Variants in GNB1 observed in about 807,000 individuals in gnomAD.
GNB1 encodes the protein G protein subunit beta 1.
Under a neutral mutation model 42.9 loss-of-function variants are expected in GNB1, and 2 were observed. The observed-to-expected ratio is 0.05, with a 90% CI of 0.02 to 0.15. The LOEUF (loss-of-function observed/expected upper bound fraction) is 0.15, where lower values mean the gene tolerates loss of function less well. Among genes scored for constraint, GNB1 ranks in the 10% least tolerant of loss-of-function variants. GNB1 has a pLI of 1.00. For missense variants in GNB1, 193 were observed against 462.2 expected (o/e 0.42, Z 5.34); for synonymous variants, 183 against 174.7 (o/e 1.05, Z -0.38).
At chr1:1,865,673 C>G (rs926198825) in intron 1 of GNB1, among the ~76,000 whole-genome samples, 2 of 152,200 alleles carry the variant, frequency 1.3e-5, no homozygotes, top group African/African-American at 4.8e-5. Flanking sequence ...AGAAACATGA[C>G]TACAAGGTCT....
chr1:1,799,752 C>CT (rs1177620878), intron 7 of GNB1, among the ~76,000 whole-genome samples: 1 of 152,240 alleles, frequency 6.6e-6, no homozygotes, highest in Non-Finnish European at 1.5e-5. Flanking sequence ...GGAGCTTTCT[C>CT]TGAGGAGGGG....
At chr1:1,788,043 A>T (rs1440030904) in intron 10 of GNB1, 1 of 152,498 alleles carries the variant, frequency 6.6e-6, no homozygotes, top group Admixed American at 6.6e-5. Flanking sequence ...AAAAAAAAAA[A>T]AAATCAAAAC....
intron 1 of GNB1, among the ~76,000 whole-genome samples, chr1:1,840,233 G>GA (rs35854289): frequency 1.7e-3 from 202 of 120,382 alleles, no homozygotes; most frequent in East Asian, 4.1e-3. Context: ...GTCTCGAAAA[G>GA]AAAAAAAAAA....
chr1:1,816,335 G>C (rs1646854822), intron 4 of GNB1, among the ~76,000 whole-genome samples: 2 of 152,168 alleles, frequency 1.3e-5, no homozygotes, highest in African/African-American at 4.8e-5. Context: ...AGCACCAGCT[G>C]TACACACACC....
chr1:1,850,811 T>G (rs945572396), intron 1 of GNB1, among the ~76,000 whole-genome samples: 1 of 152,170 alleles, frequency 6.6e-6, no homozygotes, highest in African/African-American at 2.4e-5. Context: ...TATTGAATTA[T>G]CAGATGATAT....
chr1:1,837,748 A>G (rs907441106), intron 2 of GNB1, among the ~76,000 whole-genome samples: 2 of 150,190 alleles, frequency 1.3e-5, no homozygotes, highest in African/African-American at 4.9e-5. Flanking sequence ...GTATTTTCGT[A>G]GAGACGGGGT....
intron 1 of GNB1, among the ~76,000 whole-genome samples, chr1:1,854,396 C>G (rs1553202189): frequency 6.6e-6 from 1 of 152,148 alleles, no homozygotes; most frequent in Non-Finnish European, 1.5e-5. Flanking sequence ...ATGTGAGAGA[C>G]AAATTAACTT....
intron 3 of GNB1, 192 bp from the exon 4 acceptor site, chr1:1,818,067 C>G (rs1281399840): frequency 1.8e-5 from 9 of 509,020 alleles, no homozygotes; most frequent in Middle Eastern, 3.6e-4. Flanking sequence ...CCAGGCCACG[C>G]TGAACAGAGA....
At chr1:1,871,496 T>G (rs1649245716) in intron 1 of GNB1, among the ~76,000 whole-genome samples, 1 of 152,026 alleles carries the variant, frequency 6.6e-6, no homozygotes, top group Admixed American at 6.6e-5. Context: ...ACTCCTCAAC[T>G]GCACCCTACA....
chr1:1,792,649 G>GATCAC (rs1298705650), intron 8 of GNB1, among the ~76,000 whole-genome samples: 3 of 136,944 alleles, frequency 2.2e-5, no homozygotes, highest in Non-Finnish European at 4.5e-5. Context: ...AATGAGCCGA[G>GATCAC]ATCACGCCAC....
At chr1:1,847,918 G>T (rs1647759991) in intron 1 of GNB1, among the ~76,000 whole-genome samples, 1 of 152,154 alleles carries the variant, frequency 6.6e-6, no homozygotes, top group Non-Finnish European at 1.5e-5. Flanking sequence ...GCCAAACGAT[G>T]AGAAAGAAGC....
At chr1:1,856,129 C>A (rs745869350) in intron 1 of GNB1, among the ~76,000 whole-genome samples, 1 of 152,074 alleles carries the variant, frequency 6.6e-6, no homozygotes, top group Non-Finnish European at 1.5e-5. Context: ...CTCAAGTATC[C>A]TCCCATCTCA....
chr1:1,829,947 C>T (rs1647053223), intron 2 of GNB1, among the ~76,000 whole-genome samples: 1 of 151,876 alleles, frequency 6.6e-6, no homozygotes, highest in South Asian at 2.1e-4. Flanking sequence ...ATCATGTTGG[C>T]CAGGCTGGTC....
At chr1:1,862,586 C>T (rs536816862) in intron 1 of GNB1, among the ~76,000 whole-genome samples, 240 of 151,896 alleles carry the variant, frequency 1.6e-3, no homozygotes, top group African/African-American at 5.6e-3. Flanking sequence ...CTCAGCATCC[C>T]GAGTAGCTGG....
At position 1,849,036 on chromosome 1, in the gene GNB1, T is replaced by C. The variant is rs148944435; in HGVS notation, c.-95-9798A>G. ...TCACCAGAAAGACAAACCATGACAT[T>C]AGACGGTTGGGGTTTGAAACCATTC... On this transcript the variant is annotated intron_variant, in intron 1 of 11. Transcript: ENST00000378609. Among the ~76,000 whole-genome samples the C allele has an allele frequency of 3.3e-4, 51 of 152,350 alleles. No homozygotes were observed. In the East Asian group the frequency reaches 9.4e-3, roughly 28 times the overall value.
At chr1:1,844,983 A>G (rs1428645803) in intron 1 of GNB1, among the ~76,000 whole-genome samples, 1 of 152,230 alleles carries the variant, frequency 6.6e-6, no homozygotes, top group Non-Finnish European at 1.5e-5. Flanking sequence ...AACACACTGA[A>G]CAACTAGAAT....
chr1:1,856,578 C>T (rs925809325), intron 1 of GNB1, among the ~76,000 whole-genome samples: 10 of 152,194 alleles, frequency 6.6e-5, no homozygotes, highest in African/African-American at 2.4e-4. Flanking sequence ...CAGGCACGCG[C>T]TACGACGCCC....
intron 3 of GNB1, chr1:1,818,449 CG>C: frequency 6.6e-6 from 1 of 152,258 alleles, no homozygotes; most frequent in Non-Finnish European, 1.5e-5. Flanking sequence ...CGCGGTCTCA[CG>C]TCTGTAATCC....
chr1:1,840,509 C>T (rs1349873711), intron 1 of GNB1, among the ~76,000 whole-genome samples: 5 of 152,238 alleles, frequency 3.3e-5, no homozygotes, highest in Admixed American at 1.3e-4. Context: ...GCCTGGGTGA[C>T]AGTGCGAGAC....
Sources: allele counts gnomAD v4.1 joint callset (sites outside exome capture counted in the v4.1 genomes callset), GRCh38; gene constraint gnomAD v4.1.1; transcripts MANE v1.5; gene names NCBI Gene and HGNC (gene_info 2026-07-23, HGNC 2026-07-21).